The following FSD1 variants were observed in gnomAD, a reference collection of about 807,000 sequenced individuals.
FSD1 encodes the protein fibronectin type III and SPRY domain containing 1.
In FSD1, 23 loss-of-function variants were observed where a neutral mutation model predicts 58.2. The observed-to-expected ratio is 0.40, with a 90% CI of 0.28 to 0.56. FSD1 has a LOEUF of 0.56. FSD1 is among the 20% of genes least tolerant of loss of function. The pLI is 0.54. For synonymous variants in FSD1, 265 were observed against 263.4 expected (o/e 1.01, Z -0.06); for missense variants, 563 against 670.8 (o/e 0.84, Z 1.78).
intron 3 of FSD1, 31 bp from the exon 4 acceptor site, chr19:4,307,851 T>C: frequency 1.3e-6 from 2 of 1,573,470 alleles, no homozygotes; most frequent in South Asian, 1.1e-5. Context: ...TGGGGTGAGT[T>C]GTCCCCTCCT....
chr19:4,323,209 CCTGGGTGTGCA>C lies in FSD1; in HGVS notation c.1267_1277del (p.Gly423Ter), dbSNP rs1433181261. The C allele has an allele frequency of 1.2e-6, 2 of 1,605,172 alleles. No individual in the cohort carries two copies. Among genetic ancestry groups the C allele is most frequent in the African/African-American group, 2.7e-5 (2 of 74,892 alleles). Reference sequence around the variant, plus strand: ...TGCTGGACGCCCCCGTGCCCGACTGCCTGGGTGTGCACTGTGACTTCCACCAAGGTGACCCC... The same window carrying C: ...TGCTGGACGCCCCCGTGCCCGACTGCCTGTGACTTCCACCAAGGTGACCCC... On this transcript the variant is annotated frameshift_variant, in exon 11 of 13. Coordinates refer to ENST00000221856, the MANE Select transcript of FSD1 (RefSeq NM_024333.3). LOFTEE classifies it high-confidence loss of function. This position sits in a 1 kb window ranked among gnomAD's most constrained non-coding sequence, Gnocchi z 7.7.
At chr19:4,319,096 G>A in intron 10 of FSD1, 145 bp downstream of exon 10, 1 of 664,868 alleles carries the variant, frequency 1.5e-6, no homozygotes, top group South Asian at 1.7e-5. Flanking sequence ...TTCTGGCACT[G>A]CCCAAATGGA....
chr19:4,316,406 A>T (rs1971755925), intron 7 of FSD1, among the ~76,000 whole-genome samples: 1 of 150,626 alleles, frequency 6.6e-6, no homozygotes, highest in South Asian at 2.1e-4. Context: ...TTTTTAGTAG[A>T]GATGCGGTTT....
At chr19:4,311,693 A>C in intron 6 of FSD1, 149 bp from the exon 7 acceptor site, 1 of 643,010 alleles carries the variant, frequency 1.6e-6, no homozygotes, top group Non-Finnish European at 2.7e-6. Flanking sequence ...TCTAAAAAAA[A>C]AAAAGTCTCC....
intron 6 of FSD1, 148 bp downstream of exon 6, chr19:4,310,744 G>A (rs1332396250): frequency 2.3e-6 from 2 of 886,102 alleles, no homozygotes; most frequent in Admixed American, 5.5e-5. Flanking sequence ...TCCACGCCCT[G>A]TGGGGGGTGG....
At chr19:4,316,299 G>A (rs1032686695) in intron 7 of FSD1, among the ~76,000 whole-genome samples, 2 of 151,952 alleles carry the variant, frequency 1.3e-5, no homozygotes, top group African/African-American at 4.8e-5. Flanking sequence ...TTGGCTCACT[G>A]CAACCTCTGC....
intron 7 of FSD1, among the ~76,000 whole-genome samples, chr19:4,314,021 C>CCA (rs1971725257): frequency 6.6e-6 from 1 of 151,420 alleles, no homozygotes; most frequent in South Asian, 2.1e-4. Context: ...GAGGGAGACT[C>CCA]CGTCTCAAAA....
At position 4,323,418 on chromosome 19, in the gene FSD1, G is replaced by A. The variant is rs752148225; in HGVS notation, c.1362G>A (p.Pro454=). The change falls in exon 12 of 13, where the codon CCG becomes CCA. Residue 454 remains proline (P), a synonymous_variant. Transcript: ENST00000221856. The surrounding 1 kb of genome is among the most constrained non-coding windows in gnomAD (Gnocchi z 7.7). ...CTTTCAAGACCAGGTTCACACAGCC[G>A]CTGCTGCCTGCTTTCACGGTGAGCT... ...LHTFKTRFTQ[P]LLPAFTVWCG... is the part of the protein sequence containing the mutation. The A allele has an allele frequency of 3.1e-6, 5 of 1,613,574 alleles. No homozygotes were observed. Among genetic ancestry groups the A allele is most frequent in the Non-Finnish European group, 3.4e-6 (4 of 1,179,738 alleles).
chr19:4,316,112 G>A (rs1568380765), intron 7 of FSD1, among the ~76,000 whole-genome samples: 1 of 151,648 alleles, frequency 6.6e-6, no homozygotes, highest in Admixed American at 6.6e-5. Context: ...ACAGGCTGGA[G>A]TGCAGTGATG....
chr19:4,310,725 T>G (rs11883395), intron 6 of FSD1, 129 bp downstream of exon 6: 162,068 of 1,105,690 alleles, frequency 0.15, 12,644 homozygotes, highest in South Asian at 0.2. Flanking sequence ...GAGGTGGAGC[T>G]CTGAGAATTC....
In FSD1 at chr19:4,323,234, C is replaced by G; in HGVS notation, c.1288C>G (p.Gln430Glu). 1 of 1,605,252 alleles carries G rather than the reference C, an allele frequency of 6.2e-7. No individual in the cohort carries two copies. Among genetic ancestry groups the G allele is most frequent in the Non-Finnish European group, 8.5e-7 (1 of 1,179,222 alleles). The part of the protein sequence containing the change: ...DCLGVHCDFH[Q>E]GLLSFYNART... ...CCTGGGTGTGCACTGTGACTTCCACCAAGGTGACCCCAAGCCCCAGCTGCC... is the reference window on the plus strand; with the variant it reads ...CCTGGGTGTGCACTGTGACTTCCACGAAGGTGACCCCAAGCCCCAGCTGCC... Residue 430 changes from glutamine (Q) to glutamate (E), a missense_variant, in exon 11 of 13, where the codon CAA becomes GAA. Physicochemically the swap from Gln to Glu is conservative, Grantham distance 29. Coordinates refer to ENST00000221856, the MANE Select transcript of FSD1 (RefSeq NM_024333.3). This position sits in a 1 kb window ranked among gnomAD's most constrained non-coding sequence, Gnocchi z 7.7.
At chr19:4,307,082 T>C (rs1298936521) in intron 3 of FSD1, among the ~76,000 whole-genome samples, 1 of 151,984 alleles carries the variant, frequency 6.6e-6, no homozygotes, top group African/African-American at 2.4e-5. Flanking sequence ...TGAGACAGAG[T>C]CTTATTCTGT....
At chr19:4,311,729 G>T in intron 6 of FSD1, 113 bp from the exon 7 acceptor site, 1 of 845,864 alleles carries the variant, frequency 1.2e-6, no homozygotes, top group South Asian at 1.5e-5. Flanking sequence ...GAACCCCTTT[G>T]TGGCCATGCC....
intron 6 of FSD1, chr19:4,311,616 G>A (rs762818229): frequency 8.1e-6 from 4 of 496,684 alleles, no homozygotes; most frequent in Admixed American, 6.6e-5. Flanking sequence ...CCAGGGAGTC[G>A]GAGGTTGCAG....
At chr19:4,311,517 A>T in intron 6 of FSD1, 1 of 286,408 alleles carries the variant, frequency 3.5e-6, no homozygotes, top group Non-Finnish European at 6.8e-6. Context: ...CCCTGTCTCT[A>T]CTAAAAATAT....
At chr19:4,319,922 G>A (rs891061322) in intron 10 of FSD1, among the ~76,000 whole-genome samples, 7 of 152,140 alleles carry the variant, frequency 4.6e-5, no homozygotes, top group Admixed American at 2.6e-4. Flanking sequence ...AGAAGCTGAA[G>A]CTCATGGAAT....
intron 5 of FSD1, 39 bp downstream of exon 5, chr19:4,310,334 C>A (rs1197736750): frequency 1.2e-6 from 2 of 1,613,078 alleles, no homozygotes; most frequent in Non-Finnish European, 8.5e-7. Context: ...CACTACCCTG[C>A]CCCTGGTGTG....
At chr19:4,311,072 C>G (rs1971685304) in intron 6 of FSD1, 1 of 161,666 alleles carries the variant, frequency 6.2e-6, no homozygotes, top group African/African-American at 2.4e-5. Flanking sequence ...CCTGGGAAAA[C>G]TCTGTCCACA....
rs1034691180 is a variant in FSD1 at position 4,318,957 on chromosome 19, G to A, written c.1039+6G>A. Reference sequence around the variant, plus strand: ...TGAGTCCTACACAGTTCTGGGTAAGGAAGGGGAGAAGAAAGGGGAGAGGGG... The same window carrying A: ...TGAGTCCTACACAGTTCTGGGTAAGAAAGGGGAGAAGAAAGGGGAGAGGGG... On this transcript the variant is annotated splice_donor_region_variant and intron_variant, in intron 10 of 12. Transcript: ENST00000221856. The A allele has an allele frequency of 4.3e-6, 7 of 1,611,760 alleles. No homozygotes were observed. Among genetic ancestry groups the A allele is most frequent in the Non-Finnish European group, 5.9e-6 (7 of 1,178,428 alleles).
Sources: allele counts gnomAD v4.1 joint callset (sites outside exome capture counted in the v4.1 genomes callset), GRCh38; gene constraint gnomAD v4.1.1; non-coding constraint Gnocchi (gnomAD v3.1); transcripts MANE v1.5; gene names NCBI Gene and HGNC (gene_info 2026-07-23, HGNC 2026-07-21).